Variants in RIMS2 observed in about 807,000 individuals in gnomAD.
RIMS2 encodes regulating synaptic membrane exocytosis protein 2.
Under a neutral mutation model 174.4 loss-of-function variants are expected in RIMS2, and 59 were observed. That is an observed-to-expected ratio of 0.34 (90% CI 0.27 to 0.42). RIMS2 has a LOEUF of 0.42. Ranked by LOEUF, RIMS2 falls within the 10% of genes least tolerant of loss-of-function variation. The pLI is 1.00. For synonymous variants in RIMS2, 606 were observed against 572.5 expected, an observed-to-expected ratio of 1.06 and a Z score of -0.84; for missense variants, 1,620 against 1,666.3, an observed-to-expected ratio of 0.97 and a Z score of 0.48.
intron 1 of RIMS2, among the ~76,000 whole-genome samples, chr8:103,528,697 G>A (rs1042907101): frequency 5.9e-5 from 9 of 152,160 alleles, no homozygotes; most frequent in Non-Finnish European, 1.2e-4. Context: ...AGATCAGATG[G>A]TTGTGGATGT....
rs867759552 is a variant in RIMS2 at position 103,734,043 on chromosome 8, A to G, written c.388-32184A>G. On this transcript the variant is annotated intron_variant, in intron 2 of 23. Transcript: ENST00000504942. ...TTTTTTTTTTTTTTTTTTTTTTCCC[A>G]GACGGAGTCTCGCTGCTGGAGTGCA... 9.4e-3 allele frequency among the ~76,000 whole-genome samples: 762 copies of G among 80,946 alleles called. 13 individuals carry two copies. Among genetic ancestry groups the G allele is most frequent in the African/African-American group, 0.042 (717 of 17,274 alleles). The allele number at this position is 80,946 out of a possible 152,430, so 53.1% of individuals were successfully genotyped here. A position where few individuals can be genotyped will look rare whatever the true frequency, so the allele number is the denominator to read the frequency against.
At chr8:103,977,945 C>T (rs775499828) in intron 16 of RIMS2, among the ~76,000 whole-genome samples, 20 of 152,358 alleles carry the variant, frequency 1.3e-4, no homozygotes, top group African/African-American at 4.6e-4. Flanking sequence ...CAGCCCTCAA[C>T]CCTCTTTCTG....
rs118156861 is a variant in RIMS2 at position 103,933,721 on chromosome 8, T to A, written c.2375+2328T>A. ...GATTAGGTTGTGTCAAGGTTTCATC[T>A]GTAATAGTGAAAAGAATTCTCTGCC... On this transcript the variant is annotated intron_variant, in intron 12 of 23. Transcript: ENST00000504942. Among the ~76,000 whole-genome samples, 1,152 of 152,336 alleles carry A rather than the reference T, an allele frequency of 7.6e-3. 16 individuals are homozygous for A. Among genetic ancestry groups the A allele is most frequent in the South Asian group, 0.046 (223 of 4,830 alleles).
chr8:103,529,585 G>A (rs777146724), intron 1 of RIMS2, among the ~76,000 whole-genome samples: 7 of 152,184 alleles, frequency 4.6e-5, no homozygotes, highest in Non-Finnish European at 8.8e-5. Context: ...CGGGTGAGGC[G>A]ATGTCTTGCC....
chr8:103,609,308 T>C (rs199595689), intron 1 of RIMS2, among the ~76,000 whole-genome samples: 12 of 152,230 alleles, frequency 7.9e-5, no homozygotes, highest in Admixed American at 1.3e-4. Context: ...CTGTAGGTTG[T>C]CTGTTCACTT....
At chr8:103,900,911 A>AT (rs978290156) in intron 4 of RIMS2, among the ~76,000 whole-genome samples, 5 of 151,886 alleles carry the variant, frequency 3.3e-5, no homozygotes, top group Non-Finnish European at 7.4e-5. Context: ...ATTATCCATA[A>AT]TTTTTGTTTT....
intron 19 of RIMS2, among the ~76,000 whole-genome samples, chr8:104,049,947 T>A (rs2096758684): frequency 6.6e-6 from 1 of 152,198 alleles, no homozygotes. Flanking sequence ...GTATATTTTG[T>A]GCTCAGAATT....
chr8:103,613,891 G>A (rs2095444765), intron 1 of RIMS2, among the ~76,000 whole-genome samples: 1 of 152,202 alleles, frequency 6.6e-6, no homozygotes, highest in Non-Finnish European at 1.5e-5. Flanking sequence ...CTGTCCTGCT[G>A]TGGCTGAGTA....
chr8:104,172,454 T>C (rs1246437258), intron 19 of RIMS2, among the ~76,000 whole-genome samples: 1 of 152,296 alleles, frequency 6.6e-6, no homozygotes, highest in African/African-American at 2.4e-5. Flanking sequence ...TTGGTTGGGA[T>C]TTTTGCTTGA....
At chr8:103,796,656 A>T (rs2098552042) in intron 3 of RIMS2, among the ~76,000 whole-genome samples, 1 of 152,142 alleles carries the variant, frequency 6.6e-6, no homozygotes, top group Non-Finnish European at 1.5e-5. Context: ...ATTCTATTCT[A>T]GCTATGTATG....
intron 1 of RIMS2, among the ~76,000 whole-genome samples, chr8:103,609,104 T>C (rs1372932990): frequency 6.6e-6 from 1 of 152,226 alleles, no homozygotes; most frequent in Non-Finnish European, 1.5e-5. Flanking sequence ...TTCTAATGAT[T>C]AGTGATGTTG....
intron 17 of RIMS2, among the ~76,000 whole-genome samples, chr8:103,998,027 A>C (rs1422220583): frequency 6.6e-6 from 1 of 151,714 alleles, no homozygotes; most frequent in African/African-American, 2.4e-5. Flanking sequence ...ATTACAGTGA[A>C]CATTGGGAGG....
chr8:103,865,299 T>G (rs964289962), intron 3 of RIMS2, among the ~76,000 whole-genome samples: 1 of 148,014 alleles, frequency 6.8e-6, no homozygotes, highest in Non-Finnish European at 1.5e-5. Flanking sequence ...TTTTTTTTTT[T>G]TTTGAGATGG....
chr8:103,941,447 C>T (rs2082506463), intron 13 of RIMS2, among the ~76,000 whole-genome samples: 2 of 151,512 alleles, frequency 1.3e-5, no homozygotes. Flanking sequence ...TGATTGCACC[C>T]CTGCACTCCA....
At chr8:103,932,137 A>G (rs1425628149) in intron 12 of RIMS2, among the ~76,000 whole-genome samples, 1 of 152,168 alleles carries the variant, frequency 6.6e-6, no homozygotes, top group Non-Finnish European at 1.5e-5. Context: ...CCTTTCCCCA[A>G]TTATCTGTCT....
intron 19 of RIMS2, among the ~76,000 whole-genome samples, chr8:104,101,068 T>C (rs549702130): frequency 6.9e-6 from 1 of 144,034 alleles, no homozygotes; most frequent in African/African-American, 2.6e-5. Context: ...TAATATATGT[T>C]ATATATTATA....
intron 19 of RIMS2, among the ~76,000 whole-genome samples, chr8:104,173,132 C>G (rs1338223334): frequency 4.0e-4 from 61 of 152,102 alleles, no homozygotes; most frequent in Non-Finnish European, 1.0e-4. Context: ...ACAATGCCTC[C>G]TCTCATTTTT....
In RIMS2 at chr8:103,528,026, A is replaced by G. The variant is rs190068841; in HGVS notation, c.176+26964A>G. On this transcript the variant is annotated intron_variant, in intron 1 of 23. Coordinates refer to ENST00000504942, the Ensembl canonical transcript of RIMS2. The stretch of plus-strand genomic sequence containing the variant: ...CCACCAACAGTGTAAAAGTGTTTCT[A>G]TTTCTCCACATCCTCTCCAGCACCT... Among the ~76,000 whole-genome samples the G allele has an allele frequency of 6.4e-3, 972 of 152,220 alleles. 14 individuals carry two copies. The highest frequency in any genetic ancestry group is 0.022 in the African/African-American group (919 of 41,520).
intron 17 of RIMS2, among the ~76,000 whole-genome samples, chr8:104,006,639 TC>T (rs2095590834): frequency 3.0e-5 from 3 of 98,938 alleles, no homozygotes; most frequent in African/African-American, 1.0e-4. Flanking sequence ...TCTCTCTCTC[TC>T]TCTCTCTCTC....
Sources: gnomAD v4.1 joint callset for allele counts (sites outside exome capture counted in the v4.1 genomes callset) on GRCh38, gnomAD v4.1.1 for gene constraint, MANE v1.5 for transcripts, NCBI Gene and HGNC (gene_info 2026-07-23, HGNC 2026-07-21) for gene names.